PKD1L1: variants seen among roughly 807,000 people sequenced by gnomAD.
The protein encoded by PKD1L1 is polycystin 1 like 1, transient receptor potential channel interacting, also known as polycystin-1-like protein 1.
Under a neutral mutation model 323.4 loss-of-function variants are expected in PKD1L1, and 236 were observed. The observed-to-expected ratio is 0.73, with a 90% CI of 0.66 to 0.81. PKD1L1 has a LOEUF of 0.81. Ranked by LOEUF, PKD1L1 falls within the 40% of genes least tolerant of loss-of-function variation. PKD1L1 has a pLI of 0.00. For synonymous variants in PKD1L1, 1,344 were observed against 1,335.0 expected, an observed-to-expected ratio of 1.01 and a Z score of -0.15; for missense variants, 3,320 against 3,508.0, an observed-to-expected ratio of 0.95 and a Z score of 1.35.
chr7:47,911,463 A>C (rs748937916), intron 8 of PKD1L1, among the ~76,000 whole-genome samples: 11 of 152,208 alleles, frequency 7.2e-5, no homozygotes, highest in Non-Finnish European at 1.3e-4. Flanking sequence ...CCAATTCCTT[A>C]CTTTATTCAT....
chr7:47,907,740 TTAGA>T (rs1279640690), intron 9 of PKD1L1, among the ~76,000 whole-genome samples: 6 of 152,192 alleles, frequency 3.9e-5, no homozygotes, highest in African/African-American at 1.2e-4. Flanking sequence ...GTCCCCACAG[TTAGA>T]TAAAGTTCCT....
At chr7:47,920,643 AT>A (rs1209023540) in intron 7 of PKD1L1, among the ~76,000 whole-genome samples, 2 of 152,246 alleles carry the variant, frequency 1.3e-5, no homozygotes, top group Non-Finnish European at 2.9e-5. Context: ...TTCAAACTAT[AT>A]TATGAAGCCA....
chr7:47,959,083 C>T, the PKD1L1 span, among the ~76,000 whole-genome samples: 14 of 151,194 alleles, frequency 9.3e-5, no homozygotes, highest in African/African-American at 3.2e-4. Flanking sequence ...CTCGGCCTCC[C>T]GAGGTGCCGG....
At chr7:47,926,498 G>A (rs1169258479) in intron 7 of PKD1L1, among the ~76,000 whole-genome samples, 1 of 152,166 alleles carries the variant, frequency 6.6e-6, no homozygotes, top group Non-Finnish European at 1.5e-5. Context: ...CAAGTTCTTA[G>A]GACCTCCTGG....
At chr7:47,957,823 G>T in the PKD1L1 span, among the ~76,000 whole-genome samples, 2 of 127,024 alleles carry the variant, frequency 1.6e-5, no homozygotes, top group South Asian at 5.1e-4. Context: ...ATATGAAAAA[G>T]AAATCAAGAA....
intron 19 of PKD1L1, 88 bp from the exon 20 acceptor site, chr7:47,882,173 A>C: frequency 7.8e-7 from 1 of 1,280,690 alleles, no homozygotes; most frequent in Non-Finnish European, 1.1e-6. Context: ...GATATTAATA[A>C]CTATTTGTAC....
At chr7:47,848,514 A>G (rs540130626) in intron 31 of PKD1L1, among the ~76,000 whole-genome samples, 1 of 152,354 alleles carries the variant, frequency 6.6e-6, no homozygotes, top group Admixed American at 6.5e-5. Flanking sequence ...TTCCCATAAA[A>G]TTATAATCAT....
intron 13 of PKD1L1, among the ~76,000 whole-genome samples, chr7:47,900,300 A>G (rs1787057339): frequency 1.3e-5 from 2 of 152,222 alleles, no homozygotes; most frequent in African/African-American, 4.8e-5. Flanking sequence ...AGCTGCTACA[A>G]AAACATCTCT....
chr7:47,813,171 AG>A lies in PKD1L1; in HGVS notation c.7295del (p.Pro2432LeufsTer60). ...AGTCCTCCCTTGTCCCACAGCCCCC[AG>A]GACCATTCAGGGTCACGTTTTGGTT... ...PENQNVTLNGPGGCGTREDCV... is the reference protein window; with the variant it reads ...PENQNVTLNGXGGCGTREDCV... On this transcript the variant is annotated frameshift_variant, in exon 49 of 57. Transcript: ENST00000289672. LOFTEE classifies it high-confidence loss of function. 10 of 1,614,128 alleles carry A rather than the reference AG, an allele frequency of 6.2e-6. No homozygotes were observed. The highest frequency in any genetic ancestry group is 7.6e-6 in the Non-Finnish European group (9 of 1,180,020).
chr7:47,852,901 A>G (rs1156609189), intron 31 of PKD1L1, among the ~76,000 whole-genome samples: 1 of 152,120 alleles, frequency 6.6e-6, no homozygotes, highest in African/African-American at 2.4e-5. Context: ...AGAGATGGGT[A>G]GGGCAGTGAG....
chr7:47,846,166 T>C (rs565361777), intron 32 of PKD1L1, among the ~76,000 whole-genome samples: 1 of 152,322 alleles, frequency 6.6e-6, no homozygotes, highest in African/African-American at 2.4e-5. Context: ...GTCTTATGGC[T>C]TATTTGTTTT....
chr7:47,793,522 GC>G (rs1787003887), intron 55 of PKD1L1, among the ~76,000 whole-genome samples: 1 of 152,112 alleles, frequency 6.6e-6, no homozygotes, highest in Non-Finnish European at 1.5e-5. Flanking sequence ...TTCACCTCTC[GC>G]CATGATTCTG....
intron 6 of PKD1L1, among the ~76,000 whole-genome samples, chr7:47,930,629 A>T (rs1787750066): frequency 6.6e-6 from 1 of 152,220 alleles, no homozygotes; most frequent in African/African-American, 2.4e-5. Flanking sequence ...AGTCTGGCCA[A>T]CATGGTGAAA....
At chr7:47,959,986 G>C in the PKD1L1 span, among the ~76,000 whole-genome samples, 1 of 144,988 alleles carries the variant, frequency 6.9e-6, no homozygotes, top group Admixed American at 6.8e-5. Flanking sequence ...TGTGTAGAAA[G>C]AGGTGGACAC....
chr7:47,913,836 A>T (rs1449445408), intron 8 of PKD1L1, among the ~76,000 whole-genome samples: 1 of 152,242 alleles, frequency 6.6e-6, no homozygotes, highest in Non-Finnish European at 1.5e-5. Context: ...GCAGAAAAAA[A>T]GGTAAACATT....
At chr7:47,944,978 G>A (rs1313061199) in intron 1 of PKD1L1, among the ~76,000 whole-genome samples, 3 of 152,158 alleles carry the variant, frequency 2.0e-5, no homozygotes, top group Non-Finnish European at 2.9e-5. Flanking sequence ...CAGGGCAATG[G>A]GAACCGTTGC....
In PKD1L1 at chr7:47,922,811, C is replaced by T. The variant is rs182008294; in HGVS notation, c.1060+6393G>A. Among the ~76,000 whole-genome samples the T allele has an allele frequency of 1.0e-3, 155 of 152,350 alleles. 1 individual carries two copies. The highest frequency in any genetic ancestry group is 3.4e-3 in the African/African-American group (143 of 41,578). ...TCTGGGAAGTGGGGAGCCCCTCTGC[C>T]CGGCCGCCACCCTGTCTGGGAGGTG... On this transcript the variant is annotated intron_variant, in intron 7 of 56. Coordinates refer to ENST00000289672, the MANE Select transcript of PKD1L1 (RefSeq NM_138295.5).
At chr7:47,934,356 T>C (rs1424473319) in intron 4 of PKD1L1, among the ~76,000 whole-genome samples, 2 of 152,176 alleles carry the variant, frequency 1.3e-5, no homozygotes, top group African/African-American at 2.4e-5. Context: ...GCTCTGGGGC[T>C]TGTGGTGCAG....
intron 56 of PKD1L1, among the ~76,000 whole-genome samples, chr7:47,777,213 C>T (rs1355493072): frequency 3.3e-5 from 5 of 152,186 alleles, no homozygotes; most frequent in Non-Finnish European, 5.9e-5. Flanking sequence ...TCTGACTATC[C>T]CAAATGATTA....
Sources: gnomAD v4.1 joint callset for allele counts (sites outside exome capture counted in the v4.1 genomes callset) on GRCh38, gnomAD v4.1.1 for gene constraint, MANE v1.5 for transcripts, NCBI Gene and HGNC (gene_info 2026-07-23, HGNC 2026-07-21) for gene names.